Variants in TRPC1 observed in about 807,000 individuals in gnomAD.
TRPC1 encodes the protein transient receptor potential cation channel subfamily C member 1.
TRPC1 carries 42 observed loss-of-function variants against 88.2 expected under a neutral mutation model. The observed-to-expected ratio is 0.48, with a 90% CI of 0.37 to 0.62. The LOEUF (loss-of-function observed/expected upper bound fraction) is 0.62, where lower values mean the gene tolerates loss of function less well. TRPC1 is among the 20% of genes least tolerant of loss of function. TRPC1 has a pLI of 0.00. For synonymous variants in TRPC1, 288 were observed against 331.8 expected (o/e 0.87, Z 1.43); for missense variants, 699 against 957.3 (o/e 0.73, Z 3.56).
intron 3 of TRPC1, among the ~76,000 whole-genome samples, chr3:142,745,612 C>G (rs1281302556): frequency 6.6e-6 from 1 of 152,066 alleles, no homozygotes; most frequent in Non-Finnish European, 1.5e-5. Context: ...CCGCTGCACT[C>G]CAGCCTGGGC....
chr3:142,743,605 T>A lies in TRPC1; in HGVS notation c.429+19T>A. On this transcript the variant is annotated intron_variant, in intron 3 of 12. Transcript: ENST00000476941. ...TATAGTAGTTAGTACTCTTAAATAT[T>A]TATTAATTTGGATTTTTAAACCAAA... 2 of 1,423,444 alleles carry A rather than the reference T, an allele frequency of 1.4e-6. No homozygotes were observed. Among genetic ancestry groups the A allele is most frequent in the Non-Finnish European group, 9.2e-7 (1 of 1,089,266 alleles). 88.2% of individuals were successfully genotyped at this position (1,423,444 alleles called of 1,614,324 possible). A position where few individuals can be genotyped will look rare whatever the true frequency, so the allele number is the denominator to read the frequency against.
intron 2 of TRPC1, among the ~76,000 whole-genome samples, chr3:142,741,239 A>G (rs1390343156): frequency 7.0e-6 from 1 of 142,416 alleles, no homozygotes; most frequent in Non-Finnish European, 1.6e-5. Context: ...ACTGCCATTG[A>G]TTTATCAAAT....
rs1429678904 is a variant in TRPC1 at position 142,806,832 on chromosome 3, T to C, written c.*597T>C. Reference sequence around the variant, plus strand: ...TTTAAATTCACTTCAGTTTTTGTTATTGTAATATATTTACTTTTACATGGT... The same window carrying C: ...TTTAAATTCACTTCAGTTTTTGTTACTGTAATATATTTACTTTTACATGGT... On this transcript the variant is annotated 3_prime_UTR_variant, in exon 13 of 13. Coordinates refer to ENST00000476941, the MANE Select transcript of TRPC1 (RefSeq NM_001251845.2). 1 of 152,058 alleles carries C rather than the reference T, an allele frequency of 6.6e-6. No individual in the cohort carries two copies. The highest frequency in any genetic ancestry group is 1.5e-5 in the Non-Finnish European group (1 of 67,978). The allele number at this position is 152,058 out of a possible 1,614,324, so 9.4% of individuals were successfully genotyped here.
chr3:142,754,320 T>C (rs1934883758), intron 4 of TRPC1, among the ~76,000 whole-genome samples: 1 of 152,088 alleles, frequency 6.6e-6, no homozygotes, highest in African/African-American at 2.4e-5. Flanking sequence ...TATTATCTAT[T>C]AGTGGAAGAC....
At chr3:142,773,236 G>A (rs141667688) in intron 4 of TRPC1, among the ~76,000 whole-genome samples, 1 of 151,014 alleles carries the variant, frequency 6.6e-6, no homozygotes, top group African/African-American at 2.4e-5. Flanking sequence ...TTTTTGAGAT[G>A]GAGTCTCGCT....
Position 142,724,554 on chromosome 3 carries a change from G to A in TRPC1, c.-6G>A. ...GTCTCCTGGCCTGCCCCCTTCATGG[G>A]CCGCGATGATGGCGGCCCTGTACCC... On this transcript the variant is annotated 5_prime_UTR_variant, in exon 1 of 13. Coordinates refer to ENST00000476941, the MANE Select transcript of TRPC1 (RefSeq NM_001251845.2). The surrounding 1 kb of genome is among the most constrained non-coding windows in gnomAD (Gnocchi z 5.6). 6.4e-7 allele frequency: 1 copy of A among 1,561,870 alleles called. No individual in the cohort carries two copies.
chr3:142,746,282 T>C lies in TRPC1; in HGVS notation c.430-1976T>C, dbSNP rs542681592. 1.8e-4 allele frequency among the ~76,000 whole-genome samples: 27 copies of C among 152,320 alleles called. No individual in the cohort carries two copies. The East Asian group carries it at 5.2e-3, about 29-fold the overall frequency. Reference sequence around the variant, plus strand: ...AATTTAGGTTTTTTATTTAATAGTATACAGATTATATTATGAACAATGGAA... The same window carrying C: ...AATTTAGGTTTTTTATTTAATAGTACACAGATTATATTATGAACAATGGAA... On this transcript the variant is annotated intron_variant, in intron 3 of 12. Transcript: ENST00000476941.
intron 4 of TRPC1, among the ~76,000 whole-genome samples, chr3:142,754,724 G>A (rs1934898153): frequency 6.6e-6 from 1 of 152,108 alleles, no homozygotes; most frequent in Non-Finnish European, 1.5e-5. Context: ...TACCAAGAGA[G>A]TAGGATGTTG....
chr3:142,769,676 G>T (rs1224133594), intron 4 of TRPC1, among the ~76,000 whole-genome samples: 2 of 152,008 alleles, frequency 1.3e-5, no homozygotes, highest in African/African-American at 4.8e-5. Flanking sequence ...CATATTTGTG[G>T]GTTTTTTAAA....
chr3:142,737,794 T>G (rs1040150795), intron 2 of TRPC1, among the ~76,000 whole-genome samples: 1 of 152,182 alleles, frequency 6.6e-6, no homozygotes, highest in Non-Finnish European at 1.5e-5. Flanking sequence ...AAGGAAGAGT[T>G]AAATTATATT....
rs2107997432 is a variant in TRPC1, at chr3:142,724,566, G to A, written c.7G>A (p.Ala3Thr). The change falls in exon 1 of 13, where the codon GCG becomes ACG. Residue 3 changes from alanine (A) to threonine (T), a missense_variant. Ala to Thr is a moderately conservative substitution (Grantham distance 58). This residue lies in a region of TRPC1 where 157 missense variants were observed against 127.0 expected (regional missense o/e 1.24). Transcript: ENST00000476941. This position sits in a 1 kb window ranked among gnomAD's most constrained non-coding sequence, Gnocchi z 5.6. ...GCCCCCTTCATGGGCCGCGATGATGGCGGCCCTGTACCCGAGCACGGACCT... is the reference window on the plus strand; with the variant it reads ...GCCCCCTTCATGGGCCGCGATGATGACGGCCCTGTACCCGAGCACGGACCT... MM[A>T]ALYPSTDLSG... The A allele has an allele frequency of 6.4e-7, 1 of 1,574,402 alleles. No individual in the cohort carries two copies. The highest frequency in any genetic ancestry group is 8.6e-7 in the Non-Finnish European group (1 of 1,162,158).
chr3:142,728,399 G>A (rs1289487203), intron 1 of TRPC1, among the ~76,000 whole-genome samples: 24 of 150,074 alleles, frequency 1.6e-4, no homozygotes, highest in Middle Eastern at 3.4e-3. Context: ...TGCAACCTCC[G>A]CCTCCCGGGT....
chr3:142,754,995 G>A (rs1231550618), intron 4 of TRPC1, among the ~76,000 whole-genome samples: 2 of 152,164 alleles, frequency 1.3e-5, no homozygotes, highest in Non-Finnish European at 2.9e-5. Flanking sequence ...CATATTGCCA[G>A]AATCTTTAAA....
chr3:142,733,133 G>A (rs948917067), intron 1 of TRPC1, among the ~76,000 whole-genome samples: 2 of 149,914 alleles, frequency 1.3e-5, no homozygotes, highest in African/African-American at 4.9e-5. Context: ...TTTATTTTTA[G>A]GGATGAAAAT....
intron 12 of TRPC1, 147 bp downstream of exon 12, chr3:142,804,777 G>A (rs950178453): frequency 4.0e-5 from 25 of 628,514 alleles, no homozygotes; most frequent in Admixed American, 2.5e-4. Flanking sequence ...GTACGGCATC[G>A]CATCCAACAT....
In TRPC1 at chr3:142,792,804, C is replaced by T; in HGVS notation, c.1438-20C>T. The T allele has an allele frequency of 6.5e-7, 1 of 1,538,780 alleles. No individual in the cohort carries two copies. The highest frequency in any genetic ancestry group is 1.4e-5 in the African/African-American group (1 of 70,640). On this transcript the variant is annotated intron_variant, in intron 8 of 12. Transcript: ENST00000476941. This position sits in a 1 kb window ranked among gnomAD's most constrained non-coding sequence, Gnocchi z 4.0. Reference sequence around the variant, plus strand: ...ATTGAGAGAGCTTATTTACCTTTGGCTTTTTCTTCCTAACCTTAGTTTCAT... The same window carrying T: ...ATTGAGAGAGCTTATTTACCTTTGGTTTTTTCTTCCTAACCTTAGTTTCAT...
At chr3:142,787,190 G>A (rs1442922544) in intron 7 of TRPC1, among the ~76,000 whole-genome samples, 1 of 152,196 alleles carries the variant, frequency 6.6e-6, no homozygotes, top group Non-Finnish European at 1.5e-5. Context: ...CCTCAGCACA[G>A]CTTCTGCTTT....
In TRPC1 at chr3:142,738,298, C is replaced by T. The variant is rs533185438; in HGVS notation, c.327+1765C>T. 1.2e-3 allele frequency among the ~76,000 whole-genome samples: 176 copies of T among 152,252 alleles called. 1 individual carries two copies. Among genetic ancestry groups the T allele is most frequent in the South Asian group, 4.6e-3 (22 of 4,810 alleles). On this transcript the variant is annotated intron_variant, in intron 2 of 12. Transcript: ENST00000476941. ...GTTACCTGTGTCTTATTTTATCAGTCCACAAATGTCCAGGGCCTTTGGTTG... is the reference window on the plus strand; with the variant it reads ...GTTACCTGTGTCTTATTTTATCAGTTCACAAATGTCCAGGGCCTTTGGTTG...
intron 4 of TRPC1, among the ~76,000 whole-genome samples, chr3:142,758,669 A>G (rs1012838733): frequency 2.0e-5 from 3 of 150,374 alleles, no homozygotes; most frequent in Non-Finnish European, 3.0e-5. Flanking sequence ...GGTTGTCTGT[A>G]CTTTTTTTTT....
Sources: allele counts gnomAD v4.1 joint callset (sites outside exome capture counted in the v4.1 genomes callset), GRCh38; gene constraint gnomAD v4.1.1; regional missense constraint gnomAD v4.1.1; non-coding constraint Gnocchi (gnomAD v3.1); transcripts MANE v1.5; gene names NCBI Gene and HGNC (gene_info 2026-07-23, HGNC 2026-07-21).